DIP2C: variants seen among roughly 807,000 people sequenced by gnomAD.
DIP2C encodes disco-interacting protein 2 homolog C.
DIP2C carries 33 observed loss-of-function variants against 192.4 expected under a neutral mutation model. The ratio of observed to expected loss-of-function variants is 0.17; its 90% confidence interval spans 0.13 to 0.23. The LOEUF (loss-of-function observed/expected upper bound fraction) is 0.23, where lower values mean the gene tolerates loss of function less well. Ranked by LOEUF, DIP2C falls within the 10% of genes least tolerant of loss-of-function variation. The probability of loss-of-function intolerance (pLI) is 1.00; values close to 1 mark genes in which losing one functional copy is unlikely to be tolerated. For synonymous variants in DIP2C, 979 were observed against 864.1 expected (o/e 1.13, Z -2.33); for missense variants, 1,537 against 2,110.1 (o/e 0.73, Z 5.32).
chr10:411,078 G>A (rs908961237), intron 8 of DIP2C, among the ~76,000 whole-genome samples: 2 of 152,216 alleles, frequency 1.3e-5, no homozygotes, highest in African/African-American at 4.8e-5. Flanking sequence ...GGGAGCTTGA[G>A]AGAGACACCA....
rs549610648 is a variant in DIP2C at position 443,777 on chromosome 10, A to G, written c.269-2781T>C. Among the ~76,000 whole-genome samples, 250 of 152,352 alleles carry G rather than the reference A, an allele frequency of 1.6e-3. 1 individual carries two copies. Among genetic ancestry groups the G allele is most frequent in the African/African-American group, 5.6e-3 (231 of 41,578 alleles). On this transcript the variant is annotated intron_variant, in intron 3 of 36. Coordinates refer to ENST00000280886, the MANE Select transcript of DIP2C (RefSeq NM_014974.3). ...ACTAATTTATTAAGCTTATTTGCTTAAGCCTGGAGATACAGAAATGCTTTC... is the reference window on the plus strand; with the variant it reads ...ACTAATTTATTAAGCTTATTTGCTTGAGCCTGGAGATACAGAAATGCTTTC...
intron 1 of DIP2C, among the ~76,000 whole-genome samples, chr10:565,318 T>C (rs140788303): frequency 2.2e-5 from 3 of 137,798 alleles, no homozygotes; most frequent in African/African-American, 6.1e-5. Context: ...GAGGAAACCA[T>C]GTGACTCCTA....
chr10:508,801 G>A (rs1033926268), intron 1 of DIP2C, among the ~76,000 whole-genome samples: 1 of 152,206 alleles, frequency 6.6e-6, no homozygotes, highest in African/African-American at 2.4e-5. Context: ...AGACGAGACT[G>A]GCTGGAGATG....
intron 6 of DIP2C, among the ~76,000 whole-genome samples, chr10:418,515 A>C (rs1364268473): frequency 6.6e-6 from 1 of 152,236 alleles, no homozygotes; most frequent in Non-Finnish European, 1.5e-5. Flanking sequence ...AGTGACACGA[A>C]CAGCCGCTGT....
chr10:576,267 A>G (rs1482098301), intron 1 of DIP2C, among the ~76,000 whole-genome samples: 4 of 152,216 alleles, frequency 2.6e-5, no homozygotes, highest in Non-Finnish European at 5.9e-5. Context: ...ATCCCAAGCC[A>G]AAGCAACACT....
At chr10:481,914 T>C (rs929431563) in intron 2 of DIP2C, among the ~76,000 whole-genome samples, 1 of 152,230 alleles carries the variant, frequency 6.6e-6, no homozygotes, top group African/African-American at 2.4e-5. Context: ...CAATGTCCAC[T>C]TTCCGTGAGC....
intron 17 of DIP2C, among the ~76,000 whole-genome samples, chr10:370,655 T>G (rs1385464341): frequency 1.3e-5 from 2 of 152,362 alleles, no homozygotes; most frequent in Non-Finnish European, 2.9e-5. Flanking sequence ...AGATCACGGA[T>G]TACATTCCTG....
intron 3 of DIP2C, 82 bp downstream of exon 3, chr10:472,357 G>A: frequency 1.5e-6 from 2 of 1,340,550 alleles, no homozygotes; most frequent in Non-Finnish European, 1.1e-6. Flanking sequence ...CTGCACTTCT[G>A]CCTCGCCCAG....
At position 492,609 on chromosome 10, in the gene DIP2C, A is replaced by AAC. The variant is rs767403532; in HGVS notation, c.86-6081_86-6080dup. 3.9e-5 allele frequency among the ~76,000 whole-genome samples: 6 copies of AAC among 152,330 alleles called. No individual in the cohort carries two copies. The East Asian group carries it at 7.7e-4, about 20-fold the overall frequency. ...GACAGAGCAAGACCCTGTCTCAAAC[A>AAC]ACACACACACGCACACAAATATTTA... is the stretch of plus-strand genomic sequence containing the variant. On this transcript the variant is annotated intron_variant, in intron 1 of 36. Transcript: ENST00000280886.
intron 18 of DIP2C, among the ~76,000 whole-genome samples, chr10:367,306 C>A (rs555191967): frequency 3.8e-4 from 57 of 151,928 alleles, no homozygotes; most frequent in African/African-American, 7.5e-4. Context: ...AGTCCCAGCT[C>A]CTCGGGAGGC....
chr10:337,509 C>CTGTGTG (rs371093322), intron 29 of DIP2C, among the ~76,000 whole-genome samples: 3 of 120,992 alleles, frequency 2.5e-5, no homozygotes, highest in Non-Finnish European at 5.0e-5. Context: ...CCTAGACAGT[C>CTGTGTG]TGTGTGTGTG....
At chr10:629,442 C>T (rs1209630550) in intron 1 of DIP2C, among the ~76,000 whole-genome samples, 3 of 152,198 alleles carry the variant, frequency 2.0e-5, no homozygotes, top group Admixed American at 1.3e-4. Context: ...CCCAGACCAG[C>T]GGCAGGACCC....
At chr10:349,542 C>A (rs544057772) in intron 24 of DIP2C, 88 bp from the exon 25 acceptor site, 1 of 1,505,812 alleles carries the variant, frequency 6.6e-7, no homozygotes, top group East Asian at 2.3e-5. Flanking sequence ...AACTCACTGG[C>A]GCAAAGCATA....
intron 28 of DIP2C, among the ~76,000 whole-genome samples, chr10:344,145 A>G (rs1443995268): frequency 6.6e-6 from 1 of 152,232 alleles, no homozygotes; most frequent in Non-Finnish European, 1.5e-5. Context: ...TGGCTATGAC[A>G]GTGGGAGGGT....
chr10:624,729 T>C (rs1187133580), intron 1 of DIP2C, among the ~76,000 whole-genome samples: 1 of 152,196 alleles, frequency 6.6e-6, no homozygotes, highest in Non-Finnish European at 1.5e-5. Context: ...CTGACTCATC[T>C]GAAAGGGACC....
intron 3 of DIP2C, among the ~76,000 whole-genome samples, chr10:452,595 G>A (rs946210600): frequency 1.3e-5 from 2 of 152,202 alleles, no homozygotes; most frequent in Non-Finnish European, 2.9e-5. Flanking sequence ...AATGGACAGC[G>A]CTTTGTCGAA....
At position 479,724 on chromosome 10, in the gene DIP2C, T is replaced by C. The variant is rs1252631774; in HGVS notation, c.157+6735A>G. Among the ~76,000 whole-genome samples, 4 of 152,300 alleles carry C rather than the reference T, an allele frequency of 2.6e-5. No homozygotes were observed. The East Asian group carries it at 5.8e-4, about 22-fold the overall frequency. ...TTGCTTAGCAACCCTTTTCCTATTATAATGTTTTAACTTGATTAGGGACTC... is the reference window on the plus strand; with the variant it reads ...TTGCTTAGCAACCCTTTTCCTATTACAATGTTTTAACTTGATTAGGGACTC... On this transcript the variant is annotated intron_variant, in intron 2 of 36. Transcript: ENST00000280886.
At chr10:601,869 A>AG (rs1176475841) in intron 1 of DIP2C, among the ~76,000 whole-genome samples, 1 of 152,216 alleles carries the variant, frequency 6.6e-6, no homozygotes, top group Non-Finnish European at 1.5e-5. Flanking sequence ...GAGGGGCCTC[A>AG]GGCTCGGGTA....
intron 17 of DIP2C, among the ~76,000 whole-genome samples, chr10:382,411 T>G (rs111623268): frequency 0.011 from 1,698 of 152,292 alleles, 34 homozygotes; most frequent in African/African-American, 0.039. Flanking sequence ...CAGTTCCACT[T>G]ATTAAGGAAT....
Sources: allele counts gnomAD v4.1 joint callset (sites outside exome capture counted in the v4.1 genomes callset), GRCh38; gene constraint gnomAD v4.1.1; transcripts MANE v1.5; gene names NCBI Gene and HGNC (gene_info 2026-07-23, HGNC 2026-07-21).